Variants in UBR4 observed in about 807,000 individuals in gnomAD.
The protein encoded by UBR4 is E3 ubiquitin-protein ligase UBR4.
A neutral mutation model predicts 575.6 loss-of-function variants in UBR4; 124 were observed. The observed-to-expected ratio is 0.22, with a 90% CI of 0.19 to 0.25. UBR4 has a LOEUF of 0.25. Ranked by LOEUF, UBR4 falls within the 10% of genes least tolerant of loss-of-function variation. UBR4 has a pLI of 1.00. For synonymous variants in UBR4, 2,455 were observed against 2,473.7 expected, an observed-to-expected ratio of 0.99 and a Z score of 0.22; for missense variants, 4,818 against 6,478.8, an observed-to-expected ratio of 0.74 and a Z score of 8.80.
rs1220512216 is a variant in UBR4 at position 19,144,087 on chromosome 1, G to A, written c.8072C>T (p.Pro2691Leu). 1.2e-6 allele frequency: 2 copies of A among 1,613,618 alleles called. No individual in the cohort carries two copies. Among genetic ancestry groups the A allele is most frequent in the South Asian group, 1.1e-5 (1 of 91,078 alleles). ...IYMQMLLCPD[P>L]AVSFSCKQAL... ...TTGTTTACAAGAGAAGCTCACAGCA[G>A]GATCCTGAGGTTTAAAAGGAAACTG... The change falls in exon 55 of 106, where the codon CCT becomes CTT. Residue 2691 changes from proline to leucine, a missense_variant. Physicochemically the swap from Pro to Leu is moderately conservative, Grantham distance 98. Coordinates refer to ENST00000375254, the MANE Select transcript of UBR4 (RefSeq NM_020765.3).
intron 53 of UBR4, 151 bp from the exon 54 acceptor site, chr1:19,145,058 T>C (rs759009592): frequency 7.4e-6 from 6 of 807,680 alleles, no homozygotes; most frequent in Non-Finnish European, 1.1e-5. Flanking sequence ...TCACACACAG[T>C]AGCCTGTATT....
intron 26 of UBR4, 44 bp from the exon 27 acceptor site, chr1:19,169,576 G>C (rs1468851463): frequency 6.4e-7 from 1 of 1,550,742 alleles, no homozygotes. Flanking sequence ...AAGAAAGAAG[G>C]AACGACACAG....
intron 55 of UBR4, 30 bp from the exon 56 acceptor site, chr1:19,141,807 G>A: frequency 6.2e-7 from 1 of 1,610,908 alleles, no homozygotes; most frequent in Non-Finnish European, 8.5e-7. Context: ...GTCACCTGAA[G>A]GTGCTTGCTT....
chr1:19,115,543 G>T lies in UBR4; in HGVS notation c.10918C>A (p.Leu3640Met). ...DLPLPIVASN[L>M]MIEFADFYEN... ...TAGAAGTCTGCAAACTCAATCATCA[G>T]ATTGGAGGCCACAATGGGCAACGGC... is the stretch of plus-strand genomic sequence containing the variant. Residue 3640 changes from leucine to methionine, a missense_variant, in exon 74 of 106, where the codon CTG becomes ATG. Transcript: ENST00000375254. The T allele has an allele frequency of 6.2e-6, 10 of 1,614,218 alleles. No homozygotes were observed. Among genetic ancestry groups the T allele is most frequent in the Non-Finnish European group, 8.5e-6 (10 of 1,180,038 alleles).
rs754627475 is a variant in UBR4, at chr1:19,157,896, C to T, written c.5679G>A (p.Val1893=). ...QTIRQLISAH[V]LRRVAMCVLS... is the part of the protein sequence containing the mutation. ...GCACACACATAGCCACCCGCCTGAG[C>T]ACATGAGCACTGATCAGCTGCCGGA... The change falls in exon 40 of 106, where the codon GTG becomes GTA. Residue 1893 remains valine, a synonymous_variant. Transcript: ENST00000375254. The surrounding 1 kb of genome is among the most constrained non-coding windows in gnomAD (Gnocchi z 4.4). 1 of 1,614,246 alleles carries T rather than the reference C, an allele frequency of 6.2e-7. No homozygotes were observed. Among genetic ancestry groups the T allele is most frequent in the Non-Finnish European group, 8.5e-7 (1 of 1,180,038 alleles).
rs1304566012 is a variant in UBR4, at chr1:19,077,070, C to A, written c.15325-168G>T. Among the ~76,000 whole-genome samples the A allele has an allele frequency of 2.0e-5, 3 of 152,274 alleles. No homozygotes were observed. In the East Asian group the frequency reaches 5.8e-4, roughly 29 times the overall value. On this transcript the variant is annotated intron_variant, in intron 104 of 105. Transcript: ENST00000375254. The stretch of plus-strand genomic sequence containing the variant: ...GTGCGTTTTGTCTCCAGGAACGACA[C>A]AATTTCACTTCATTCCTCTTAGGCC...
chr1:19,110,330 G>C lies in UBR4; in HGVS notation c.11977+50C>G. On this transcript the variant is annotated intron_variant, in intron 80 of 105. Transcript: ENST00000375254. The surrounding 1 kb of genome is among the most constrained non-coding windows in gnomAD (Gnocchi z 4.5). Reference sequence around the variant, plus strand: ...CCTCCTCCCCTCCCAGTCCGGCCAGGACTGCTCCTTTGAGCCTCCTTTCCT... The same window carrying C: ...CCTCCTCCCCTCCCAGTCCGGCCAGCACTGCTCCTTTGAGCCTCCTTTCCT... 6.2e-7 allele frequency: 1 copy of C among 1,613,698 alleles called. No homozygotes were observed. Among genetic ancestry groups the C allele is most frequent in the East Asian group, 2.2e-5 (1 of 44,864 alleles).
chr1:19,182,645 A>G (rs2091107312), intron 17 of UBR4, among the ~76,000 whole-genome samples: 1 of 152,204 alleles, frequency 6.6e-6, no homozygotes, highest in Non-Finnish European at 1.5e-5. Context: ...TTTCCATTTA[A>G]TAACAGCCAC....
chr1:19,175,897 G>A (rs1447115764), intron 20 of UBR4, among the ~76,000 whole-genome samples: 1 of 151,736 alleles, frequency 6.6e-6, no homozygotes, highest in Non-Finnish European at 1.5e-5. Context: ...AAGCTCAAAC[G>A]ATCCTCCCAC....
At chr1:19,127,069 A>C (rs1258797717) in intron 63 of UBR4, among the ~76,000 whole-genome samples, 1 of 152,144 alleles carries the variant, frequency 6.6e-6, no homozygotes, top group Non-Finnish European at 1.5e-5. Context: ...CCCCCTGTAG[A>C]GTCTTCCATA....
At chr1:19,106,758 T>C in intron 82 of UBR4, 32 bp from the exon 83 acceptor site, 1 of 1,597,960 alleles carries the variant, frequency 6.3e-7, no homozygotes, top group South Asian at 1.1e-5. Context: ...GGGTAGTAGG[T>C]AAGTAAATGA....
intron 64 of UBR4, among the ~76,000 whole-genome samples, chr1:19,126,219 T>A (rs1460789472): frequency 6.6e-6 from 1 of 152,160 alleles, no homozygotes; most frequent in African/African-American, 2.4e-5. Context: ...ATAACCATGA[T>A]CTCATTCAAT....
Position 19,088,748 on chromosome 1 carries a change from G to A in UBR4, c.14430+11C>T. 1.2e-6 allele frequency: 2 copies of A among 1,612,380 alleles called. No individual in the cohort carries two copies. The highest frequency in any genetic ancestry group is 2.7e-5 in the African/African-American group (2 of 74,964). On this transcript the variant is annotated intron_variant, in intron 98 of 105. Transcript: ENST00000375254. The surrounding 1 kb of genome is among the most constrained non-coding windows in gnomAD (Gnocchi z 4.0). ...GGGCAGAAATATGGGGACTCTAGGT[G>A]GTAGCTTTACCGTCATGCCCAGGGT...
At chr1:19,106,539 G>T (rs371721119) in intron 83 of UBR4, 30 bp downstream of exon 83, 55 of 1,522,760 alleles carry the variant, frequency 3.6e-5, no homozygotes, top group Admixed American at 1.9e-4. Context: ...AGGGGCGCAG[G>T]GGGTGAAGAG....
chr1:19,126,815 G>A lies in UBR4; in HGVS notation c.9229-160C>T, dbSNP rs140259463. Among the ~76,000 whole-genome samples the A allele has an allele frequency of 1.2e-4, 19 of 152,370 alleles. No homozygotes were observed. The East Asian group carries it at 3.7e-3, about 29-fold the overall frequency. ...CACTGAAACTTCCCCAAGGAAGTTT[G>A]TGAGGTTTTTCAGAACTTTTTTGAA... On this transcript the variant is annotated intron_variant, in intron 63 of 105. Coordinates refer to ENST00000375254, the MANE Select transcript of UBR4 (RefSeq NM_020765.3).
Position 19,088,118 on chromosome 1 carries a change from C to T in UBR4, c.14431-189G>A, listed in dbSNP as rs542170266. Among the ~76,000 whole-genome samples, 9 of 152,352 alleles carry T rather than the reference C, an allele frequency of 5.9e-5. No individual in the cohort carries two copies. Among genetic ancestry groups the T allele is most frequent in the African/African-American group, 1.9e-4 (8 of 41,582 alleles). ...GCCCTTCTGCTATTCTCTCTTCCTA[C>T]AGGAACCACTGAAGCAAAGGAAGTC... is the stretch of plus-strand genomic sequence containing the variant. On this transcript the variant is annotated intron_variant, in intron 98 of 105. Transcript: ENST00000375254. This position sits in a 1 kb window ranked among gnomAD's most constrained non-coding sequence, Gnocchi z 4.0.
At chr1:19,175,137 C>A in intron 20 of UBR4, 104 bp from the exon 21 acceptor site, 9 of 1,093,230 alleles carry the variant, frequency 8.2e-6, no homozygotes, top group Non-Finnish European at 1.2e-5. Flanking sequence ...GGTTTCCCAA[C>A]CTTAACAATA....
intron 1 of UBR4, among the ~76,000 whole-genome samples, chr1:19,207,776 G>GA (rs112247952): frequency 1.3e-3 from 185 of 143,280 alleles, no homozygotes; most frequent in Middle Eastern, 3.7e-3. Flanking sequence ...AAGAGTGGTT[G>GA]AAAAAAAAAA....
In UBR4 at chr1:19,089,387, C is replaced by T. The variant is rs184583410; in HGVS notation, c.14212-410G>A. Among the ~76,000 whole-genome samples the T allele has an allele frequency of 6.6e-6, 1 of 152,306 alleles. No individual in the cohort carries two copies. Among genetic ancestry groups the T allele is most frequent in the East Asian group, 1.9e-4 (1 of 5,188 alleles). On this transcript the variant is annotated intron_variant, in intron 97 of 105. Transcript: ENST00000375254. This position sits in a 1 kb window ranked among gnomAD's most constrained non-coding sequence, Gnocchi z 4.3. ...ACCAGCAGCCAGAGCAGGCACTGGA[C>T]GTTCTCCTAAGGACCTGCCCTGAGT...
Sources: allele counts gnomAD v4.1 joint callset (sites outside exome capture counted in the v4.1 genomes callset), GRCh38; gene constraint gnomAD v4.1.1; non-coding constraint Gnocchi (gnomAD v3.1); transcripts MANE v1.5; gene names NCBI Gene and HGNC (gene_info 2026-07-23, HGNC 2026-07-21).